RANBP17: variants seen among roughly 807,000 people sequenced by gnomAD.
RANBP17 encodes ran-binding protein 17.
In RANBP17, 158 loss-of-function variants were observed where a neutral mutation model predicts 141.2. That is an observed-to-expected ratio of 1.12 (90% CI 0.98 to 1.28). The LOEUF (loss-of-function observed/expected upper bound fraction) is 1.28, where lower values mean the gene tolerates loss of function less well. Ranked by LOEUF, RANBP17 falls within the 50% of genes most tolerant of loss-of-function variation. The pLI is 0.00. For synonymous variants in RANBP17, 430 were observed against 450.0 expected, an observed-to-expected ratio of 0.96 and a Z score of 0.56; for missense variants, 1,438 against 1,290.7, an observed-to-expected ratio of 1.11 and a Z score of -1.75.
intron 14 of RANBP17, among the ~76,000 whole-genome samples, chr5:171,128,340 T>C (rs187698112): frequency 7.2e-4 from 110 of 152,274 alleles, no homozygotes; most frequent in African/African-American, 2.6e-3. Flanking sequence ...CGTGAAATCA[T>C]GTCATCGAAG....
At chr5:171,052,504 G>C (rs1222075001) in intron 14 of RANBP17, among the ~76,000 whole-genome samples, 1 of 152,064 alleles carries the variant, frequency 6.6e-6, no homozygotes, top group Non-Finnish European at 1.5e-5. Flanking sequence ...AAGTATCTTA[G>C]CACCATAGTC....
rs149108450 is a variant in RANBP17, at chr5:170,938,149, G to A, written c.1468+13599G>A. On this transcript the variant is annotated intron_variant, in intron 12 of 27. Transcript: ENST00000523189. ...AAACAGCAAACAAGGGCAAAAAGCA[G>A]GGTTGCTCTCAAAGACAGATAATAA... Among the ~76,000 whole-genome samples the A allele has an allele frequency of 5.9e-3, 893 of 152,258 alleles. 8 individuals are homozygous for A. Among genetic ancestry groups the A allele is most frequent in the African/African-American group, 0.02 (851 of 41,536 alleles).
intron 9 of RANBP17, chr5:170,918,264 T>C (rs1177090136): frequency 6.6e-6 from 1 of 152,180 alleles, no homozygotes; most frequent in Non-Finnish European, 1.5e-5. Context: ...TCAATAAATA[T>C]TTGTTTAATT....
chr5:171,274,166 G>A (rs1251898851), intron 25 of RANBP17, among the ~76,000 whole-genome samples: 2 of 117,078 alleles, frequency 1.7e-5, no homozygotes, highest in East Asian at 3.0e-4. Context: ...GCGCGCGCGT[G>A]CGCAAAATCT....
chr5:171,042,071 T>C (rs1208333035), intron 14 of RANBP17, among the ~76,000 whole-genome samples: 3 of 152,146 alleles, frequency 2.0e-5, no homozygotes, highest in African/African-American at 4.8e-5. Context: ...AAGGACATGA[T>C]CTCATTCTTT....
intron 14 of RANBP17, among the ~76,000 whole-genome samples, chr5:171,045,046 T>G (rs1316844608): frequency 2.6e-5 from 4 of 152,098 alleles, no homozygotes; most frequent in Non-Finnish European, 5.9e-5. Context: ...TTAATTATTT[T>G]GGATATTTAA....
chr5:170,892,536 G>A lies in RANBP17; in HGVS notation c.406G>A (p.Val136Met), dbSNP rs1268951876. The change falls in exon 4 of 28, where the codon GTG becomes ATG. Residue 136 changes from valine (V) to methionine (M), a missense_variant. Val to Met is a conservative substitution (Grantham distance 21, BLOSUM62 1). Transcript: ENST00000523189. ...QFVFREIIAD[V>M]KKFLQGTVEH... ...TGTCTTCAGAGAAATTATTGCTGATGTGAAGAAGTTTCTCCAGGTAAGAAG... is the reference window on the plus strand; with the variant it reads ...TGTCTTCAGAGAAATTATTGCTGATATGAAGAAGTTTCTCCAGGTAAGAAG... 8.1e-6 allele frequency: 13 copies of A among 1,613,660 alleles called. No individual in the cohort carries two copies. The highest frequency in any genetic ancestry group is 1.1e-5 in the Non-Finnish European group (13 of 1,179,782).
At chr5:171,024,042 A>G (rs566790576) in intron 14 of RANBP17, among the ~76,000 whole-genome samples, 1 of 152,182 alleles carries the variant, frequency 6.6e-6, no homozygotes, top group Non-Finnish European at 1.5e-5. Flanking sequence ...TATTCATTGA[A>G]TCCACTAGGA....
intron 14 of RANBP17, among the ~76,000 whole-genome samples, chr5:171,004,940 G>A (rs1415723645): frequency 6.6e-6 from 1 of 152,086 alleles, no homozygotes; most frequent in African/African-American, 2.4e-5. Context: ...TGTGGTTGTG[G>A]GTTTTCCTAC....
intron 11 of RANBP17, among the ~76,000 whole-genome samples, chr5:170,923,198 G>T (rs1463244987): frequency 6.6e-6 from 1 of 152,062 alleles, no homozygotes; most frequent in Non-Finnish European, 1.5e-5. Context: ...CTGGCATAAG[G>T]CTAGAGTTCT....
intron 24 of RANBP17, among the ~76,000 whole-genome samples, chr5:171,259,700 G>T (rs981328079): frequency 2.6e-5 from 4 of 152,192 alleles, no homozygotes; most frequent in African/African-American, 7.2e-5. Context: ...GATAACAAGG[G>T]TCAGACATGG....
intron 14 of RANBP17, among the ~76,000 whole-genome samples, chr5:171,034,875 G>A (rs561284204): frequency 3.9e-5 from 6 of 152,240 alleles, no homozygotes; most frequent in African/African-American, 1.4e-4. Flanking sequence ...GGAGTGCAGT[G>A]TTGCCATCAT....
At chr5:171,087,389 T>C (rs1233267973) in intron 14 of RANBP17, among the ~76,000 whole-genome samples, 6 of 152,134 alleles carry the variant, frequency 3.9e-5, no homozygotes, top group African/African-American at 1.4e-4. Context: ...TCCAGCTATG[T>C]GGTCAATTTT....
intron 14 of RANBP17, among the ~76,000 whole-genome samples, chr5:171,121,286 C>T (rs1165258232): frequency 6.6e-6 from 1 of 152,210 alleles, no homozygotes; most frequent in Non-Finnish European, 1.5e-5. Flanking sequence ...CATAACTGCT[C>T]CACCAGTCTG....
At chr5:171,083,025 G>T (rs556862086) in intron 14 of RANBP17, among the ~76,000 whole-genome samples, 1 of 152,250 alleles carries the variant, frequency 6.6e-6, no homozygotes, top group South Asian at 2.1e-4. Context: ...TTGAACAAAT[G>T]AAAGACGGCT....
intron 19 of RANBP17, among the ~76,000 whole-genome samples, chr5:171,200,580 C>G (rs1232860209): frequency 1.3e-5 from 2 of 151,760 alleles, no homozygotes; most frequent in African/African-American, 4.9e-5. Flanking sequence ...TAAATGCACT[C>G]CAGAGAATGT....
At chr5:170,912,880 A>G (rs1006681588) in intron 7 of RANBP17, among the ~76,000 whole-genome samples, 2 of 151,918 alleles carry the variant, frequency 1.3e-5, no homozygotes, top group Non-Finnish European at 2.9e-5. Flanking sequence ...CAGCATAATG[A>G]ATGAAAAAAG....
At chr5:171,035,800 G>A (rs1781845142) in intron 14 of RANBP17, among the ~76,000 whole-genome samples, 1 of 148,652 alleles carries the variant, frequency 6.7e-6, no homozygotes, top group South Asian at 2.1e-4. Context: ...ATGTGTGCAG[G>A]TTTGTTCCAT....
intron 13 of RANBP17, among the ~76,000 whole-genome samples, chr5:170,963,898 A>G (rs767713151): frequency 2.0e-5 from 3 of 152,222 alleles, no homozygotes; most frequent in Admixed American, 1.3e-4. Context: ...TATATAAATA[A>G]TTTGTAAAAC....
Sources: allele counts gnomAD v4.1 joint callset (sites outside exome capture counted in the v4.1 genomes callset), GRCh38; gene constraint gnomAD v4.1.1; transcripts MANE v1.5; gene names NCBI Gene and HGNC (gene_info 2026-07-23, HGNC 2026-07-21).